Variants in SDK1 observed in about 807,000 individuals in gnomAD.
SDK1 encodes protein sidekick-1.
A neutral mutation model predicts 245.5 loss-of-function variants in SDK1; 157 were observed. That is an observed-to-expected ratio of 0.64 (90% CI 0.56 to 0.73). The LOEUF is 0.73. Ranked by LOEUF, SDK1 falls within the 30% of genes least tolerant of loss-of-function variation. SDK1 has a pLI of 0.00. For missense variants in SDK1, 3,583 were observed against 3,002.3 expected, an observed-to-expected ratio of 1.19 and a Z score of -4.52; for synonymous variants, 1,647 against 1,278.5, an observed-to-expected ratio of 1.29 and a Z score of -6.15.
intron 1 of SDK1, among the ~76,000 whole-genome samples, chr7:3,544,096 T>G (rs73037610): frequency 0.032 from 4,798 of 152,282 alleles, 104 homozygotes; most frequent in Middle Eastern, 0.048. Flanking sequence ...GCCTTTCTCC[T>G]TAGGAAATGC....
At chr7:3,806,181 A>G (rs766627465) in intron 4 of SDK1, among the ~76,000 whole-genome samples, 25 of 152,254 alleles carry the variant, frequency 1.6e-4, no homozygotes, top group African/African-American at 2.4e-5. Context: ...TTTGTCTCAC[A>G]TGGACTCACC....
chr7:3,824,638 G>A (rs949532452), intron 5 of SDK1, among the ~76,000 whole-genome samples: 3 of 152,198 alleles, frequency 2.0e-5, no homozygotes, highest in Non-Finnish European at 2.9e-5. Flanking sequence ...CTGTCACCCA[G>A]CTAACAGGAG....
intron 1 of SDK1, among the ~76,000 whole-genome samples, chr7:3,495,184 C>G (rs956190503): frequency 6.6e-6 from 1 of 150,992 alleles, no homozygotes; most frequent in African/African-American, 2.4e-5. Flanking sequence ...CATGCATTGT[C>G]ATGAATCCCT....
intron 1 of SDK1, among the ~76,000 whole-genome samples, chr7:3,492,582 G>A (rs1414233113): frequency 2.0e-5 from 3 of 152,210 alleles, no homozygotes; most frequent in Non-Finnish European, 2.9e-5. Context: ...CAGCAGTGGC[G>A]GGGCAACAAG....
intron 4 of SDK1, among the ~76,000 whole-genome samples, chr7:3,707,496 C>G (rs576216045): frequency 1.3e-5 from 2 of 152,294 alleles, no homozygotes; most frequent in South Asian, 4.1e-4. Context: ...GAGACTGTTC[C>G]ATATGCTGAT....
chr7:4,144,046 C>G (rs1805319810), intron 28 of SDK1, among the ~76,000 whole-genome samples: 1 of 152,004 alleles, frequency 6.6e-6, no homozygotes, highest in African/African-American at 2.4e-5. Flanking sequence ...TCCCTACTCT[C>G]ACTGTGCAAG....
intron 1 of SDK1, among the ~76,000 whole-genome samples, chr7:3,384,497 A>C (rs1190019848): frequency 6.6e-6 from 1 of 152,234 alleles, no homozygotes; most frequent in Admixed American, 6.5e-5. Flanking sequence ...GGATTTGAGA[A>C]ATGCTAGAGC....
At chr7:4,058,847 T>A (rs1358288073) in intron 19 of SDK1, among the ~76,000 whole-genome samples, 1 of 152,216 alleles carries the variant, frequency 6.6e-6, no homozygotes, top group Non-Finnish European at 1.5e-5. Context: ...CAAGAAATGC[T>A]TAATGAATTC....
rs529685929 is a variant in SDK1, at chr7:3,724,517, C to A, written c.713+82412C>A. On this transcript the variant is annotated intron_variant, in intron 4 of 44. Coordinates refer to ENST00000404826, the MANE Select transcript of SDK1 (RefSeq NM_152744.4). ...AGGCTAAAAGGTGAGAAGAGAGAAA[C>A]AGAAAACTGTGATCATGATTATGCC... is the stretch of plus-strand genomic sequence containing the variant. Among the ~76,000 whole-genome samples, 3 of 152,282 alleles carry A rather than the reference C, an allele frequency of 2.0e-5. No homozygotes were observed. The East Asian group carries it at 5.8e-4, about 29-fold the overall frequency.
At chr7:3,769,029 G>A (rs186060101) in intron 4 of SDK1, among the ~76,000 whole-genome samples, 1 of 152,070 alleles carries the variant, frequency 6.6e-6, no homozygotes, top group Non-Finnish European at 1.5e-5. Flanking sequence ...ACGTTCTCTT[G>A]GTGCCCTAAA....
chr7:3,756,386 A>G (rs375826354), intron 4 of SDK1, among the ~76,000 whole-genome samples: 25 of 144,998 alleles, frequency 1.7e-4, no homozygotes, highest in East Asian at 1.3e-3. Context: ...GGCATAGCAC[A>G]TGTGACACAT....
At chr7:3,778,461 T>G (rs1163026093) in intron 4 of SDK1, among the ~76,000 whole-genome samples, 1 of 107,808 alleles carries the variant, frequency 9.3e-6, no homozygotes, top group Non-Finnish European at 2.3e-5. Context: ...AAAGTTCGTA[T>G]TTTCTATCTT....
intron 44 of SDK1, among the ~76,000 whole-genome samples, chr7:4,253,803 G>A (rs1787459805): frequency 6.6e-6 from 1 of 152,044 alleles, no homozygotes. Context: ...GCTCTGTTAG[G>A]TGCATGTGTG....
chr7:3,492,228 A>T (rs1483019762), intron 1 of SDK1, among the ~76,000 whole-genome samples: 1 of 152,166 alleles, frequency 6.6e-6, no homozygotes, highest in Non-Finnish European at 1.5e-5. Flanking sequence ...TAAAATTGTT[A>T]TGTGCTAGGG....
chr7:4,019,696 C>G (rs1015281621), intron 17 of SDK1, among the ~76,000 whole-genome samples: 7 of 151,942 alleles, frequency 4.6e-5, no homozygotes, highest in Non-Finnish European at 7.4e-5. Flanking sequence ...TCTGTAGCAG[C>G]ACCATCCTTC....
intron 35 of SDK1, among the ~76,000 whole-genome samples, chr7:4,189,908 G>A (rs1264274937): frequency 6.6e-6 from 1 of 152,062 alleles, no homozygotes; most frequent in African/African-American, 2.4e-5. Context: ...CTGTTTTTAA[G>A]AATGAAAAAA....
intron 4 of SDK1, among the ~76,000 whole-genome samples, chr7:3,690,354 G>C (rs1049857218): frequency 1.3e-5 from 2 of 152,114 alleles, no homozygotes; most frequent in African/African-American, 4.8e-5. Flanking sequence ...GGAGGGTCAT[G>C]AGAAAAATTG....
intron 20 of SDK1, among the ~76,000 whole-genome samples, chr7:4,075,163 C>T (rs373508951): frequency 3.9e-4 from 59 of 151,866 alleles, no homozygotes; most frequent in African/African-American, 1.4e-3. Flanking sequence ...ATGGCAGGTG[C>T]TCCAAGTGCT....
chr7:4,213,872 A>T (rs993694956), intron 38 of SDK1, among the ~76,000 whole-genome samples: 3 of 152,166 alleles, frequency 2.0e-5, no homozygotes, highest in African/African-American at 7.2e-5. Flanking sequence ...AGATTTTTAG[A>T]CAATCCTTTC....
Sources: gnomAD v4.1 joint callset for allele counts (sites outside exome capture counted in the v4.1 genomes callset) on GRCh38, gnomAD v4.1.1 for gene constraint, MANE v1.5 for transcripts, NCBI Gene and HGNC (gene_info 2026-07-23, HGNC 2026-07-21) for gene names.